Variants in TMEM182 observed in about 807,000 individuals in gnomAD.
TMEM182 encodes the protein transmembrane protein 182.
Under a neutral mutation model 26.8 loss-of-function variants are expected in TMEM182, and 20 were observed. The ratio of observed to expected loss-of-function variants is 0.75; its 90% confidence interval spans 0.53 to 1.09. The LOEUF (loss-of-function observed/expected upper bound fraction) is 1.09, where lower values mean the gene tolerates loss of function less well. Among genes scored for constraint, TMEM182 ranks in the 50% least tolerant of loss-of-function variants. The probability of loss-of-function intolerance (pLI) is 0.00; values close to 1 mark genes in which losing one functional copy is unlikely to be tolerated. For missense variants in TMEM182, 277 were observed against 275.5 expected (o/e 1.01, Z -0.04); for synonymous variants, 109 against 102.2 (o/e 1.07, Z -0.40).
intron 4 of TMEM182, among the ~76,000 whole-genome samples, chr2:102,806,045 T>C (rs1399397851): frequency 6.6e-6 from 1 of 152,240 alleles, no homozygotes; most frequent in Non-Finnish European, 1.5e-5. Flanking sequence ...TACTCAGTAC[T>C]AAGGGATTTA....
At position 102,816,005 on chromosome 2, in the gene TMEM182, T is replaced by G. The variant is rs1020136993; in HGVS notation, c.*1037T>G. ...ATTCCTTTAATTACTGTCCCTCAAT[T>G]TCTTCATCTTTACAATAGATATATT... is the stretch of plus-strand genomic sequence containing the variant. On this transcript the variant is annotated 3_prime_UTR_variant, in exon 5 of 5. Coordinates refer to ENST00000412401, the MANE Select transcript of TMEM182 (RefSeq NM_144632.5). 1 of 984,922 alleles carries G rather than the reference T, an allele frequency of 1.0e-6. No individual in the cohort carries two copies. Among genetic ancestry groups the G allele is most frequent in the African/African-American group, 1.7e-5 (1 of 57,240 alleles). 61.0% of individuals were successfully genotyped at this position (984,922 alleles called of 1,614,324 possible).
chr2:102,811,728 G>C (rs1682561857), intron 4 of TMEM182, among the ~76,000 whole-genome samples: 1 of 152,184 alleles, frequency 6.6e-6, no homozygotes, highest in Admixed American at 6.5e-5. Context: ...TTTGTGATCA[G>C]ATTGTCTTAG....
At chr2:102,810,607 A>T (rs539131752) in intron 4 of TMEM182, among the ~76,000 whole-genome samples, 5 of 152,302 alleles carry the variant, frequency 3.3e-5, no homozygotes, top group African/African-American at 1.2e-4. Flanking sequence ...ATAACAAGAG[A>T]TCCAACATGT....
At chr2:102,792,949 C>T (rs1251536610) in intron 3 of TMEM182, among the ~76,000 whole-genome samples, 7 of 152,208 alleles carry the variant, frequency 4.6e-5, no homozygotes, top group Admixed American at 6.5e-5. Context: ...GTTTCTTCCT[C>T]TGCTTCATCG....
intron 4 of TMEM182, among the ~76,000 whole-genome samples, chr2:102,802,672 C>T (rs1682193550): frequency 6.6e-6 from 1 of 152,180 alleles, no homozygotes; most frequent in South Asian, 2.1e-4. Flanking sequence ...TAAACATTGG[C>T]TTATATGAAG....
intron 1 of TMEM182, among the ~76,000 whole-genome samples, chr2:102,754,338 G>A (rs577934373): frequency 6.6e-6 from 1 of 152,244 alleles, no homozygotes; most frequent in South Asian, 2.1e-4. Context: ...TCGTATTTAT[G>A]CCATAAAATA....
intron 3 of TMEM182, among the ~76,000 whole-genome samples, chr2:102,836,115 G>C (rs1683242372): frequency 6.6e-6 from 1 of 152,088 alleles, no homozygotes; most frequent in Non-Finnish European, 1.5e-5. Flanking sequence ...TTGTTTGGAG[G>C]TACCACAGTT....
chr2:102,818,754 C>CTATCTATCTATG (rs1373704174), downstream of TMEM182, among the ~76,000 whole-genome samples: 47 of 141,868 alleles, frequency 3.3e-4, no homozygotes, highest in Admixed American at 8.3e-4. Context: ...TCCTATCTAT[C>CTATCTATCTATG]TATCTATCTA....
chr2:102,759,410 A>G (rs2104650967), upstream of TMEM182, among the ~76,000 whole-genome samples: 1 of 152,132 alleles, frequency 6.6e-6, no homozygotes, highest in Non-Finnish European at 1.5e-5. Flanking sequence ...ACCTCCATAT[A>G]TTTTGTTCTA....
chr2:102,797,828 T>TCACAA (rs773144953), intron 3 of TMEM182, 35 bp from the exon 4 acceptor site: 22 of 1,590,924 alleles, frequency 1.4e-5, no homozygotes, highest in African/African-American at 8.2e-5. Context: ...AAGTGTATTT[T>TCACAA]TCTTTCTTTT....
At chr2:102,833,563 G>A (rs1404374478) in intron 3 of TMEM182, among the ~76,000 whole-genome samples, 1 of 152,138 alleles carries the variant, frequency 6.6e-6, no homozygotes, top group African/African-American at 2.4e-5. Flanking sequence ...TCAAAACTAA[G>A]TTAACCTTGG....
chr2:102,740,501 G>T (rs1043608877), intron 1 of TMEM182, among the ~76,000 whole-genome samples: 7 of 152,274 alleles, frequency 4.6e-5, no homozygotes, highest in Admixed American at 2.6e-4. Context: ...CAGACTTGCT[G>T]AACTGTGAGT....
chr2:102,827,404 G>T (rs548405522), intron 3 of TMEM182, among the ~76,000 whole-genome samples: 1 of 152,318 alleles, frequency 6.6e-6, no homozygotes, highest in East Asian at 1.9e-4. Flanking sequence ...AAACCACAGT[G>T]AATAAAAAGT....
At chr2:102,798,888 A>G (rs1350053303) in intron 4 of TMEM182, among the ~76,000 whole-genome samples, 1 of 152,200 alleles carries the variant, frequency 6.6e-6, no homozygotes, top group East Asian at 1.9e-4. Context: ...TTATCTGAAT[A>G]TATTATTTTC....
intron 1 of TMEM182, among the ~76,000 whole-genome samples, chr2:102,755,895 G>A (rs927977411): frequency 3.3e-5 from 5 of 152,218 alleles, no homozygotes; most frequent in Non-Finnish European, 5.9e-5. Flanking sequence ...GAAAGGGAGA[G>A]TGTAATTAAA....
chr2:102,805,066 T>C (rs960980465), intron 4 of TMEM182, among the ~76,000 whole-genome samples: 1 of 152,228 alleles, frequency 6.6e-6, no homozygotes, highest in Non-Finnish European at 1.5e-5. Context: ...TTTCCACAAA[T>C]GTCAAATGCC....
intron 3 of TMEM182, among the ~76,000 whole-genome samples, chr2:102,777,029 C>T (rs760246545): frequency 5.3e-5 from 8 of 151,620 alleles, no homozygotes; most frequent in Admixed American, 2.0e-4. Context: ...GATTTCTTTG[C>T]GTATTTTCAG....
rs1289967082 is a variant in TMEM182 at position 102,834,918 on chromosome 2, C to A, written c.326-8494C>A. 3.3e-5 allele frequency among the ~76,000 whole-genome samples: 5 copies of A among 152,296 alleles called. No homozygotes were observed. The South Asian group carries it at 1.0e-3, about 32-fold the overall frequency. On this transcript the variant is annotated intron_variant, in intron 3 of 3. Transcript: ENST00000486293. ...ATGCCAGGATGCAAATTGGGCCTCA[C>A]CCGTTTCACCTGAGGTGTTATTTAT...
At chr2:102,797,752 A>G (rs936653564) in intron 3 of TMEM182, 111 bp from the exon 4 acceptor site, 11 of 1,333,256 alleles carry the variant, frequency 8.3e-6, no homozygotes, top group Admixed American at 2.6e-5. Context: ...TAGCAGTGCC[A>G]TAGCTGAAAT....
Sources: gnomAD v4.1 joint callset for allele counts (sites outside exome capture counted in the v4.1 genomes callset) on GRCh38, gnomAD v4.1.1 for gene constraint, MANE v1.5 for transcripts, NCBI Gene and HGNC (gene_info 2026-07-23, HGNC 2026-07-21) for gene names.